The following EMSY variants were observed in gnomAD, a reference collection of about 807,000 sequenced individuals.
EMSY encodes the protein EMSY transcriptional repressor, BRCA2 interacting.
In EMSY, 26 loss-of-function variants were observed where a neutral mutation model predicts 134.6. That is an observed-to-expected ratio of 0.19 (90% CI 0.14 to 0.27). The LOEUF is 0.27. Among genes scored for constraint, EMSY ranks in the 10% least tolerant of loss-of-function variants. EMSY has a pLI of 1.00. For missense variants in EMSY, 1,305 were observed against 1,611.4 expected (o/e 0.81, Z 3.26); for synonymous variants, 579 against 577.8 (o/e 1.00, Z -0.03).
Position 76,499,348 on chromosome 11 carries a change from C to T in EMSY, c.1363+2879C>T, listed in dbSNP as rs188902012. ...TGTCGCCCAGGCTGGAGTGCAGGGG[C>T]GCTATCTCGGCTCACTGCAAGCTCC... On this transcript the variant is annotated intron_variant, in intron 9 of 20. Transcript: ENST00000334736. 6.2e-3 allele frequency among the ~76,000 whole-genome samples: 792 copies of T among 127,202 alleles called. 22 individuals are homozygous for T. The highest frequency in any genetic ancestry group is 2.6e-3 in the Non-Finnish European group (166 of 64,520). The allele number at this position is 127,202 out of a possible 152,430, so 83.4% of individuals were successfully genotyped here.
At chr11:76,546,099 G>A (rs2136826658) in exon 20 of EMSY, 2 of 1,614,158 alleles carry the variant, frequency 1.2e-6, no homozygotes, top group Non-Finnish European at 1.7e-6. Context: ...CCACCCACAT[G>A]GTGGTGGCAG....
Position 76,537,956 on chromosome 11 carries a change from T to G in EMSY, c.2515+6T>G, listed in dbSNP as rs1591009452. On this transcript the variant is annotated splice_donor_region_variant and intron_variant, in intron 16 of 20. Coordinates refer to ENST00000334736, the Ensembl canonical transcript of EMSY. ...AGCTGAATACATCACTACTGGTAGG[T>G]GTCCTCTTAAAATGTAGTATTAAGG... 1 of 1,603,294 alleles carries G rather than the reference T, an allele frequency of 6.2e-7. No individual in the cohort carries two copies. The highest frequency in any genetic ancestry group is 1.1e-5 in the South Asian group (1 of 88,964).
rs571212923 is a variant in EMSY at position 76,525,947 on chromosome 11, C to T, written c.1822-515C>T. Among the ~76,000 whole-genome samples the T allele has an allele frequency of 2.0e-5, 3 of 152,058 alleles. No individual in the cohort carries two copies. In the South Asian group the frequency reaches 6.2e-4, roughly 32 times the overall value. On this transcript the variant is annotated intron_variant, in intron 12 of 20. Coordinates refer to ENST00000334736, the Ensembl canonical transcript of EMSY. ...TCATGTAGACATTCTACTATATATC[C>T]TTATAATTTCATATATGTAGAACTT...
Position 76,513,381 on chromosome 11 carries a change from C to A in EMSY, c.1364-5C>A. ...GTGCTGAGATTTATCTTTCTTCTTT[C>A]AAAGGTGTTAAAATCATCACACAAC... is the stretch of plus-strand genomic sequence containing the variant. On this transcript the variant is annotated splice_polypyrimidine_tract_variant and splice_region_variant and intron_variant, in intron 9 of 20. Transcript: ENST00000334736. 1 of 1,612,274 alleles carries A rather than the reference C, an allele frequency of 6.2e-7. No homozygotes were observed. Among genetic ancestry groups the A allele is most frequent in the Non-Finnish European group, 8.5e-7 (1 of 1,179,142 alleles).
At chr11:76,544,891 G>C (rs992491425) in intron 19 of EMSY, 69 bp downstream of exon 20, 1 of 1,489,162 alleles carries the variant, frequency 6.7e-7, no homozygotes, top group Admixed American at 1.9e-5. Context: ...AGAACATCAC[G>C]ACCCTATCAT....
chr11:76,551,349 T>G (rs1951830852), exon 21 of EMSY: 1 of 152,796 alleles, frequency 6.5e-6, no homozygotes, highest in Non-Finnish European at 1.5e-5. Flanking sequence ...AACGGTTTTA[T>G]ATAGATTTCA....
At chr11:76,518,858 TTGTGTGTGTGTGTG>T (rs10691630) in intron 11 of EMSY, among the ~76,000 whole-genome samples, 7 of 143,156 alleles carry the variant, frequency 4.9e-5, no homozygotes, top group African/African-American at 1.8e-4. Flanking sequence ...ATAGGCTGTC[TTGTGTGTGTGTGTG>T]TGTGTGTGTG....
chr11:76,470,980 C>T (rs939490135), intron 7 of EMSY, among the ~76,000 whole-genome samples: 6 of 152,110 alleles, frequency 3.9e-5, no homozygotes, highest in Admixed American at 2.0e-4. Context: ...ACCTTGACAT[C>T]TCTTTCCTGC....
Position 76,523,028 on chromosome 11 carries a change from C to T in EMSY, c.1685-127C>T, listed in dbSNP as rs372881390. 233 of 910,996 alleles carry T rather than the reference C, an allele frequency of 2.6e-4. No homozygotes were observed. In the African/African-American group the frequency reaches 3.6e-3, roughly 14 times the overall value. The allele number at this position is 910,996 out of a possible 1,614,324, so 56.4% of individuals were successfully genotyped here. Reference sequence around the variant, plus strand: ...TATTCCAAGCCTTCATTTTCATCATCTTGACAGCTTTCATGTCATCTAGGA... The same window carrying T: ...TATTCCAAGCCTTCATTTTCATCATTTTGACAGCTTTCATGTCATCTAGGA... On this transcript the variant is annotated intron_variant, in intron 11 of 20. Transcript: ENST00000334736.
exon 21 of EMSY, chr11:76,551,469 G>A (rs1441318096): frequency 6.6e-6 from 1 of 152,606 alleles, no homozygotes; most frequent in Non-Finnish European, 1.5e-5. Context: ...TTCATCAACG[G>A]TCTCCTAATT....
At chr11:76,515,615 C>G (rs1267704090) in intron 10 of EMSY, among the ~76,000 whole-genome samples, 1 of 152,084 alleles carries the variant, frequency 6.6e-6, no homozygotes, top group Non-Finnish European at 1.5e-5. Flanking sequence ...GATAGAATAA[C>G]CAACCCTTTA....
chr11:76,521,793 C>T (rs1458817133), intron 11 of EMSY, among the ~76,000 whole-genome samples: 1 of 149,480 alleles, frequency 6.7e-6, no homozygotes. Flanking sequence ...AGTCCAGGCA[C>T]AGTGGCTTAC....
exon 12 of EMSY, chr11:76,523,203 T>A (rs1950709436): frequency 6.2e-7 from 1 of 1,613,606 alleles, no homozygotes; most frequent in African/African-American, 1.3e-5. Flanking sequence ...AAGCCCAACG[T>A]GATTGTTGTA....
At chr11:76,508,100 G>A (rs1047096320) in intron 9 of EMSY, among the ~76,000 whole-genome samples, 1 of 151,774 alleles carries the variant, frequency 6.6e-6, no homozygotes, top group Non-Finnish European at 1.5e-5. Flanking sequence ...CAAACTCCTG[G>A]GCTCAAACAA....
intron 8 of EMSY, among the ~76,000 whole-genome samples, chr11:76,487,000 G>T (rs1017134656): frequency 6.6e-6 from 1 of 152,216 alleles, no homozygotes; most frequent in South Asian, 2.1e-4. Flanking sequence ...AGATGAGGCT[G>T]GGTGCAGTGG....
At chr11:76,458,147 G>A (rs923502422) in intron 4 of EMSY, 36 bp from the exon 6 acceptor site, 10 of 1,543,216 alleles carry the variant, frequency 6.5e-6, no homozygotes, top group Non-Finnish European at 7.9e-6. Context: ...TTTAGTGATT[G>A]AAAACCCTTG....
intron 8 of EMSY, among the ~76,000 whole-genome samples, chr11:76,484,483 A>T (rs1590861236): frequency 6.6e-6 from 1 of 152,246 alleles, no homozygotes; most frequent in African/African-American, 2.4e-5. Context: ...GAAAGGATTA[A>T]CAAGATAGAA....
At chr11:76,526,384 C>T in intron 12 of EMSY, 78 bp from the exon 14 acceptor site, 1 of 1,105,128 alleles carries the variant, frequency 9.0e-7, no homozygotes, top group Non-Finnish European at 1.2e-6. Context: ...CTGGTAAAAC[C>T]TTACTGATTT....
At chr11:76,486,313 T>C (rs1371534808) in intron 8 of EMSY, among the ~76,000 whole-genome samples, 2 of 152,264 alleles carry the variant, frequency 1.3e-5, no homozygotes, top group South Asian at 4.2e-4. Flanking sequence ...TGACAGGTTG[T>C]TGGGTGCAGC....
Sources: allele counts gnomAD v4.1 joint callset (sites outside exome capture counted in the v4.1 genomes callset), GRCh38; gene constraint gnomAD v4.1.1; transcripts MANE v1.5; gene names NCBI Gene and HGNC (gene_info 2026-07-23, HGNC 2026-07-21).